RALGAPA1: variants seen among roughly 807,000 people sequenced by gnomAD.
The protein encoded by RALGAPA1 is Ral GTPase activating protein catalytic subunit alpha 1.
A neutral mutation model predicts 269.6 loss-of-function variants in RALGAPA1; 52 were observed. That is an observed-to-expected ratio of 0.19 (90% CI 0.15 to 0.24). RALGAPA1 has a LOEUF of 0.24. Ranked by LOEUF, RALGAPA1 falls within the 10% of genes least tolerant of loss-of-function variation. The probability of loss-of-function intolerance (pLI) is 1.00; values close to 1 mark genes in which losing one functional copy is unlikely to be tolerated. For missense variants in RALGAPA1, 1,917 were observed against 3,013.9 expected (o/e 0.64, Z 8.52); for synonymous variants, 817 against 1,008.3 (o/e 0.81, Z 3.60).
intron 37 of RALGAPA1, among the ~76,000 whole-genome samples, chr14:35,585,297 C>A (rs1023137120): frequency 6.6e-6 from 1 of 152,056 alleles, no homozygotes; most frequent in South Asian, 2.1e-4. Context: ...TGCTCTTGAA[C>A]AATGGAATTA....
chr14:35,576,121 A>T (rs1413513451), intron 37 of RALGAPA1, among the ~76,000 whole-genome samples: 2 of 152,134 alleles, frequency 1.3e-5, no homozygotes, highest in African/African-American at 4.8e-5. Context: ...CATATTCATT[A>T]TCTTGGGTTA....
intron 13 of RALGAPA1, 50 bp downstream of exon 13, chr14:35,728,312 C>A: frequency 7.0e-7 from 1 of 1,430,292 alleles, no homozygotes; most frequent in African/African-American, 1.4e-5. Flanking sequence ...ATTACTATAC[C>A]TGTGTACACA....
At chr14:35,715,917 TAAG>T (rs1349446994) in intron 16 of RALGAPA1, 2 of 985,198 alleles carry the variant, frequency 2.0e-6, no homozygotes, top group African/African-American at 3.5e-5. Context: ...AGGAAATGAG[TAAG>T]AAGAGTCTTA....
chr14:35,629,179 G>A (rs560841984), intron 33 of RALGAPA1, among the ~76,000 whole-genome samples: 8 of 152,244 alleles, frequency 5.3e-5, no homozygotes, highest in African/African-American at 1.9e-4. Context: ...CAGGAAGTAG[G>A]GACAACTAGC....
At chr14:35,779,364 A>G (rs1234577907) in intron 1 of RALGAPA1, among the ~76,000 whole-genome samples, 4 of 152,010 alleles carry the variant, frequency 2.6e-5, no homozygotes, top group Non-Finnish European at 5.9e-5. Context: ...CATTTCTACA[A>G]AACTAAAAAA....
intron 37 of RALGAPA1, among the ~76,000 whole-genome samples, chr14:35,573,061 T>C (rs925114930): frequency 6.6e-6 from 1 of 152,236 alleles, no homozygotes; most frequent in Non-Finnish European, 1.5e-5. Flanking sequence ...ATAAATTGGA[T>C]AATCCCCAGT....
intron 1 of RALGAPA1, among the ~76,000 whole-genome samples, chr14:35,784,302 ATAG>A (rs2075655578): frequency 6.6e-6 from 1 of 152,192 alleles, no homozygotes; most frequent in Non-Finnish European, 1.5e-5. Context: ...AAAGCACGAA[ATAG>A]TATTATAAGC....
intron 16 of RALGAPA1, among the ~76,000 whole-genome samples, chr14:35,717,366 TC>T (rs1756867151): frequency 1.3e-5 from 2 of 152,104 alleles, no homozygotes; most frequent in African/African-American, 4.8e-5. Context: ...AGCCAGATGG[TC>T]TTGAACACCT....
Position 35,721,783 on chromosome 14 carries a change from T to C in RALGAPA1, c.2171A>G (p.Gln724Arg). ...CTGTCTCATTGGGGCTTGGCCAGGC[T>C]GATCACGACTCCATCCTCTAGAAAA... Reference protein sequence around the residue: ...KSFSRGWSRDQPGQAPMRQRS... With the variant: ...KSFSRGWSRDRPGQAPMRQRS... The change falls in exon 16 of 42, where the codon CAG becomes CGG. Residue 724 changes from glutamine (Q) to arginine (R), a missense_variant. By Grantham distance (43) the Gln-to-Arg change is conservative. Around this residue, in one of 11 missense-constraint regions of RALGAPA1, gnomAD observed 125 missense variants for 155.7 expected, o/e 0.80. Transcript: ENST00000680220. The C allele has an allele frequency of 6.2e-7, 1 of 1,612,542 alleles. No homozygotes were observed. The highest frequency in any genetic ancestry group is 8.5e-7 in the Non-Finnish European group (1 of 1,178,584).
chr14:35,646,151 A>G (rs2062424043), intron 31 of RALGAPA1, among the ~76,000 whole-genome samples: 1 of 152,230 alleles, frequency 6.6e-6, no homozygotes, highest in South Asian at 2.1e-4. Context: ...GAATTAGGAA[A>G]TCATCATTTG....
Position 35,728,488 on chromosome 14 carries a change from T to C in RALGAPA1, c.1610A>G (p.Asn537Ser). The change falls in exon 13 of 42, where the codon AAT becomes AGT. Residue 537 changes from asparagine to serine, a missense_variant. Asn to Ser is a conservative substitution (Grantham distance 46, BLOSUM62 1). This residue lies in a region of RALGAPA1 where 462 missense variants were observed against 725.6 expected (regional missense o/e 0.64). Transcript: ENST00000680220. ...VLQVFIINSS[N>S]IFLLEPANEI... is the part of the protein sequence containing the mutation. ...ATTTGCAGGTTCAAGAAGAAATATA[T>C]TTGATGAGTTTATAATAAACACCTA... 2 of 1,602,564 alleles carry C rather than the reference T, an allele frequency of 1.2e-6. No individual in the cohort carries two copies. Among genetic ancestry groups the C allele is most frequent in the South Asian group, 2.3e-5 (2 of 87,916 alleles).
chr14:35,725,727 G>C (rs2069837741), intron 13 of RALGAPA1, among the ~76,000 whole-genome samples: 1 of 151,946 alleles, frequency 6.6e-6, no homozygotes, highest in Non-Finnish European at 1.5e-5. Context: ...TTAGCTGGGT[G>C]TGGTGGCACA....
intron 27 of RALGAPA1, among the ~76,000 whole-genome samples, chr14:35,663,728 T>C (rs1167796521): frequency 6.6e-6 from 1 of 152,006 alleles, no homozygotes; most frequent in Non-Finnish European, 1.5e-5. Flanking sequence ...TAGCTGGGAC[T>C]ACACGCGCCC....
intron 16 of RALGAPA1, among the ~76,000 whole-genome samples, chr14:35,720,630 A>C (rs1316014779): frequency 6.6e-6 from 1 of 152,212 alleles, no homozygotes; most frequent in Non-Finnish European, 1.5e-5. Context: ...TGAAGTACTT[A>C]AAAAGCCTAG....
chr14:35,755,451 C>T (rs1340689679), intron 7 of RALGAPA1, among the ~76,000 whole-genome samples: 3 of 152,252 alleles, frequency 2.0e-5, no homozygotes, highest in South Asian at 2.1e-4. Context: ...TGGATGTATA[C>T]ACATAATAAA....
rs887172109 is a variant in RALGAPA1, at chr14:35,693,675, C to T, written c.2408-3672G>A. Among the ~76,000 whole-genome samples, 5 of 151,710 alleles carry T rather than the reference C, an allele frequency of 3.3e-5. No homozygotes were observed. The South Asian group carries it at 1.0e-3, about 31-fold the overall frequency. On this transcript the variant is annotated intron_variant, in intron 17 of 41. Coordinates refer to ENST00000680220, the MANE Select transcript of RALGAPA1 (RefSeq NM_001346249.2). Reference sequence around the variant, plus strand: ...CACTTAATGAGTGAAACAATAAAAACGTTGTTTTCAAGAGATTTACACAAA... The same window carrying T: ...CACTTAATGAGTGAAACAATAAAAATGTTGTTTTCAAGAGATTTACACAAA...
chr14:35,718,553 C>T (rs2069062661), intron 16 of RALGAPA1, among the ~76,000 whole-genome samples: 1 of 152,190 alleles, frequency 6.6e-6, no homozygotes, highest in Non-Finnish European at 1.5e-5. Context: ...CAGAGGCTCA[C>T]ACCTGTAATC....
At chr14:35,688,261 T>A (rs2066130962) in intron 18 of RALGAPA1, among the ~76,000 whole-genome samples, 198 bp downstream of exon 18, 1 of 152,192 alleles carries the variant, frequency 6.6e-6, no homozygotes, top group African/African-American at 2.4e-5. Flanking sequence ...CTAAATGCCT[T>A]ATAAGGGAAA....
intron 17 of RALGAPA1, among the ~76,000 whole-genome samples, chr14:35,698,888 T>TGTC (rs2067114717): frequency 6.6e-6 from 1 of 152,208 alleles, no homozygotes; most frequent in East Asian, 1.9e-4. Flanking sequence ...TCCTAATTCT[T>TGTC]TATTTGTAGC....
Sources: allele counts gnomAD v4.1 joint callset (sites outside exome capture counted in the v4.1 genomes callset), GRCh38; gene constraint gnomAD v4.1.1; regional missense constraint gnomAD v4.1.1; transcripts MANE v1.5; gene names NCBI Gene and HGNC (gene_info 2026-07-23, HGNC 2026-07-21).